Variants in SCNN1G observed in about 807,000 individuals in gnomAD.
SCNN1G encodes sodium channel epithelial 1 subunit gamma, also known as epithelial sodium channel subunit gamma.
SCNN1G carries 27 observed loss-of-function variants against 64.6 expected under a neutral mutation model. That is an observed-to-expected ratio of 0.42 (90% CI 0.31 to 0.58). SCNN1G has a LOEUF of 0.58. Among genes scored for constraint, SCNN1G ranks in the 20% least tolerant of loss-of-function variants. The pLI is 0.18. For synonymous variants in SCNN1G, 330 were observed against 314.2 expected (o/e 1.05, Z -0.53); for missense variants, 743 against 823.4 (o/e 0.90, Z 1.19).
chr16:23,199,204 A>G (rs971827043), intron 6 of SCNN1G, among the ~76,000 whole-genome samples: 2 of 152,246 alleles, frequency 1.3e-5, no homozygotes, highest in African/African-American at 4.8e-5. Flanking sequence ...AAGCAAGTGC[A>G]TATAGGTATA....
Position 23,189,731 on chromosome 16 carries a change from G to T in SCNN1G, c.618+60G>T, listed in dbSNP as rs1959675460. On this transcript the variant is annotated intron_variant, in intron 3 of 12. Transcript: ENST00000300061. ...GGGGCATGGGATGGGCTGGGTCCAG[G>T]ACTCTTCTCCTTGACCACTAGCCCC... 16 of 1,525,884 alleles carry T rather than the reference G, an allele frequency of 1.0e-5. No homozygotes were observed. In the South Asian group the frequency reaches 1.1e-4, roughly 11 times the overall value. The allele number at this position is 1,525,884 out of a possible 1,614,324, so 94.5% of individuals were successfully genotyped here.
At chr16:23,206,218 A>T (rs1428574043) in intron 6 of SCNN1G, among the ~76,000 whole-genome samples, 1 of 152,182 alleles carries the variant, frequency 6.6e-6, no homozygotes, top group African/African-American at 2.4e-5. Context: ...TACCACTGAA[A>T]TGTGAGAACA....
intron 3 of SCNN1G, 33 bp from the exon 4 acceptor site, chr16:23,192,319 T>C (rs764942304): frequency 1.3e-6 from 2 of 1,568,732 alleles, no homozygotes; most frequent in Non-Finnish European, 1.8e-6. Context: ...ATAGGACCGA[T>C]GGCTTCAGCC....
Position 23,215,122 on chromosome 16 carries a change from C to T in SCNN1G, c.1603C>T (p.Leu535=). 1 of 1,614,140 alleles carries T rather than the reference C, an allele frequency of 6.2e-7. No homozygotes were observed. The highest frequency in any genetic ancestry group is 8.5e-7 in the Non-Finnish European group (1 of 1,180,020). Residue 535 remains leucine (L), a synonymous_variant, in exon 13 of 13, where the codon CTG becomes TTG. Coordinates refer to ENST00000300061, the MANE Select transcript of SCNN1G (RefSeq NM_001039.4). The stretch of plus-strand genomic sequence containing the variant: ...GCTTCTGTCCAACTTCGGTGGCCAG[C>T]TGGGCCTGTGGATGAGCTGCTCTGT... ...EMLLSNFGGQ[L]GLWMSCSVVC... is the part of the protein sequence containing the mutation.
At chr16:23,185,956 C>T (rs936193212) in intron 1 of SCNN1G, among the ~76,000 whole-genome samples, 1 of 152,188 alleles carries the variant, frequency 6.6e-6, no homozygotes, top group East Asian at 1.9e-4. Context: ...GCCAGCGCTT[C>T]GCAGGTTGCA....
Position 23,212,101 on chromosome 16 carries a change from C to A in SCNN1G, c.1244C>A (p.Pro415His). The part of the protein sequence containing the change: ...EKCGCAQYSQ[P>H]LPPAANYCNY... The stretch of plus-strand genomic sequence containing the variant: ...TGTGGGTGTGCCCAGTACAGCCAGC[C>A]TCTACCTCCTGCAGCCAACTACTGC... The change falls in exon 8 of 13, where the codon CCT (proline) becomes CAT (histidine). Residue 415 changes from proline (P) to histidine (H), a missense_variant. Pro to His is a moderately conservative substitution (Grantham distance 77, BLOSUM62 -2). Coordinates refer to ENST00000300061, the MANE Select transcript of SCNN1G (RefSeq NM_001039.4). 6.2e-7 allele frequency: 1 copy of A among 1,614,088 alleles called. No homozygotes were observed. Among genetic ancestry groups the A allele is most frequent in the Non-Finnish European group, 8.5e-7 (1 of 1,179,954 alleles).
chr16:23,197,937 A>C (rs1225141349), intron 6 of SCNN1G, among the ~76,000 whole-genome samples: 1 of 152,130 alleles, frequency 6.6e-6, no homozygotes, highest in Admixed American at 6.5e-5. Flanking sequence ...ATTTGGGGAG[A>C]GAATTTCAAG....
intron 6 of SCNN1G, 33 bp downstream of exon 6, chr16:23,197,460 A>G (rs1596768001): frequency 6.3e-7 from 1 of 1,595,900 alleles, no homozygotes; most frequent in African/African-American, 1.3e-5. Context: ...ATAGGCTTGG[A>G]GAGAACAGAT....
chr16:23,204,288 C>CATATATATATATATAT (rs59288460), intron 6 of SCNN1G, among the ~76,000 whole-genome samples: 1 of 14,178 alleles, frequency 7.1e-5, no homozygotes, highest in Non-Finnish European at 1.1e-4. Flanking sequence ...CAAATATATA[C>CATATATATATATATAT]ATATATATAT....
chr16:23,183,103 C>T (rs1959547740), intron 1 of SCNN1G, among the ~76,000 whole-genome samples: 1 of 152,268 alleles, frequency 6.6e-6, no homozygotes, highest in Non-Finnish European at 1.5e-5. Flanking sequence ...CCGCCCAGCG[C>T]CTGTTCAGCC....
Position 23,215,660 on chromosome 16 carries a change from C to T in SCNN1G, c.*191C>T, listed in dbSNP as rs1338732179. On this transcript the variant is annotated 3_prime_UTR_variant, in exon 13 of 13. Coordinates refer to ENST00000300061, the MANE Select transcript of SCNN1G (RefSeq NM_001039.4). ...GCGCAGGAGGAGCCATCGGGTACTA[C>T]GCAGCAACACTCACAACTGTCCAGG... 8 of 644,090 alleles carry T rather than the reference C, an allele frequency of 1.2e-5. No homozygotes were observed. Among genetic ancestry groups the T allele is most frequent in the Non-Finnish European group, 1.9e-5 (7 of 365,434 alleles). The allele number at this position is 644,090 out of a possible 1,614,324, so 39.9% of individuals were successfully genotyped here.
intron 5 of SCNN1G, 101 bp from the exon 6 acceptor site, chr16:23,197,163 T>C (rs1314104724): frequency 1.1e-6 from 1 of 942,442 alleles, no homozygotes; most frequent in African/African-American, 1.6e-5. Context: ...TAGAAATACC[T>C]GGTCTTGGGT....
chr16:23,188,141 C>G (rs1190125399), intron 2 of SCNN1G, among the ~76,000 whole-genome samples: 1 of 152,176 alleles, frequency 6.6e-6, no homozygotes. Context: ...CTGAACAACC[C>G]AAACACAGTA....
intron 7 of SCNN1G, among the ~76,000 whole-genome samples, chr16:23,210,866 T>G (rs1332346620): frequency 1.4e-5 from 2 of 146,380 alleles, no homozygotes; most frequent in African/African-American, 5.0e-5. Context: ...ACCTTGCCTC[T>G]AAAAAAAAAA....
chr16:23,204,609 C>T (rs1186337592), intron 6 of SCNN1G, among the ~76,000 whole-genome samples: 1 of 150,100 alleles, frequency 6.7e-6, no homozygotes, highest in East Asian at 1.9e-4. Context: ...TGATTATTTG[C>T]CGTATGTGTT....
At chr16:23,207,224 G>C (rs1960005046) in intron 6 of SCNN1G, among the ~76,000 whole-genome samples, 1 of 152,182 alleles carries the variant, frequency 6.6e-6, no homozygotes, top group South Asian at 2.1e-4. Flanking sequence ...AGCCACCCCT[G>C]CTGGCTGCAC....
At chr16:23,211,229 T>C (rs1251970068) in intron 7 of SCNN1G, among the ~76,000 whole-genome samples, 1 of 152,090 alleles carries the variant, frequency 6.6e-6, no homozygotes, top group Non-Finnish European at 1.5e-5. Context: ...AGCAGAAAAA[T>C]AGCAAAGATT....
chr16:23,210,976 T>C (rs920893250), intron 7 of SCNN1G, among the ~76,000 whole-genome samples: 2 of 152,140 alleles, frequency 1.3e-5, no homozygotes. Flanking sequence ...TGTTCAAGCC[T>C]GCAGTGAGCC....
intron 3 of SCNN1G, 94 bp from the exon 4 acceptor site, chr16:23,192,258 C>T: frequency 9.8e-7 from 1 of 1,019,968 alleles, no homozygotes; most frequent in Non-Finnish European, 1.6e-6. Context: ...CCCTGAGTAT[C>T]TGGCCTGGAG....
Sources: gnomAD v4.1 joint callset for allele counts (sites outside exome capture counted in the v4.1 genomes callset) on GRCh38, gnomAD v4.1.1 for gene constraint, MANE v1.5 for transcripts, NCBI Gene and HGNC (gene_info 2026-07-23, HGNC 2026-07-21) for gene names.